CCDC178: variants seen among roughly 807,000 people sequenced by gnomAD.
CCDC178 encodes the protein coiled-coil domain-containing protein 178.
A neutral mutation model predicts 117.4 loss-of-function variants in CCDC178; 126 were observed. The observed-to-expected ratio is 1.07, with a 90% CI of 0.93 to 1.24. The LOEUF (loss-of-function observed/expected upper bound fraction) is 1.24, where lower values mean the gene tolerates loss of function less well. CCDC178 is among the 50% of genes most tolerant of loss of function. The pLI, the probability that CCDC178 is intolerant of heterozygous loss-of-function variation, is 0.00. For missense variants in CCDC178, 1,030 were observed against 986.9 expected (o/e 1.04, Z -0.59); for synonymous variants, 283 against 313.4 (o/e 0.90, Z 1.02).
intron 15 of CCDC178, among the ~76,000 whole-genome samples, chr18:33,236,430 G>A (rs937510405): frequency 5.3e-5 from 8 of 152,130 alleles, no homozygotes; most frequent in African/African-American, 1.7e-4. Context: ...TATTATAGAA[G>A]TTTTTAATGC....
At chr18:33,311,856 C>T (rs1332167613) in intron 11 of CCDC178, among the ~76,000 whole-genome samples, 5 of 152,174 alleles carry the variant, frequency 3.3e-5, no homozygotes, top group African/African-American at 1.2e-4. Flanking sequence ...AGGTTTTGAA[C>T]ACCCCCTGGG....
chr18:33,210,712 A>G (rs2059096632), intron 20 of CCDC178, among the ~76,000 whole-genome samples: 1 of 152,006 alleles, frequency 6.6e-6, no homozygotes, highest in Admixed American at 6.6e-5. Context: ...ATCCATTCGT[A>G]GCTCACACAT....
At chr18:33,390,695 G>T (rs1164034789) in intron 4 of CCDC178, among the ~76,000 whole-genome samples, 1 of 151,972 alleles carries the variant, frequency 6.6e-6, no homozygotes, top group Non-Finnish European at 1.5e-5. Context: ...ACTTTCAGGG[G>T]TGATGGAAAT....
chr18:32,982,726 G>T (rs1242707686), intron 21 of CCDC178, among the ~76,000 whole-genome samples: 1 of 152,026 alleles, frequency 6.6e-6, no homozygotes, highest in African/African-American at 2.4e-5. Flanking sequence ...TAACAGAATC[G>T]CTGCAATAAA....
At chr18:32,975,480 C>T (rs2055011051) in intron 21 of CCDC178, among the ~76,000 whole-genome samples, 1 of 152,108 alleles carries the variant, frequency 6.6e-6, no homozygotes, top group African/African-American at 2.4e-5. Flanking sequence ...ATTTGCCCTT[C>T]ACCAGTTACC....
chr18:33,412,038 G>T lies in CCDC178; in HGVS notation c.51C>A (p.Thr17=). ...VSSSSTRDDQ[T]NIGLTCQEVK... ...AATTTATGATAAACTTACCTATATT[G>T]GTTTGATCATCTCTAGTGGAAGAAG... The change falls in exon 3 of 23, where the codon ACC becomes ACA. Residue 17 remains threonine (T), a synonymous_variant. Transcript: ENST00000383096. 2.7e-6 allele frequency: 4 copies of T among 1,470,694 alleles called. No individual in the cohort carries two copies. The highest frequency in any genetic ancestry group is 3.8e-6 in the Non-Finnish European group (4 of 1,064,908). 91.1% of individuals were successfully genotyped at this position (1,470,694 alleles called of 1,614,324 possible). A position where few individuals can be genotyped will look rare whatever the true frequency, so the allele number is the denominator to read the frequency against.
At chr18:33,025,203 C>T (rs1037571325) in intron 21 of CCDC178, among the ~76,000 whole-genome samples, 13 of 152,114 alleles carry the variant, frequency 8.5e-5, no homozygotes, top group Admixed American at 8.5e-4. Flanking sequence ...CATATCAACA[C>T]ATTTAAGAAG....
chr18:32,993,474 C>T (rs574622309), intron 21 of CCDC178, among the ~76,000 whole-genome samples: 30 of 152,292 alleles, frequency 2.0e-4, no homozygotes, highest in African/African-American at 7.2e-4. Context: ...ATGCCCTGGG[C>T]AAGTGCAGTA....
intron 21 of CCDC178, among the ~76,000 whole-genome samples, chr18:33,021,900 C>T (rs994014147): frequency 6.6e-6 from 1 of 152,134 alleles, no homozygotes; most frequent in Non-Finnish European, 1.5e-5. Context: ...CTCTCTCTGT[C>T]TCATTCTCTT....
intron 20 of CCDC178, among the ~76,000 whole-genome samples, chr18:33,103,591 A>T (rs1253513077): frequency 6.6e-6 from 1 of 151,746 alleles, no homozygotes; most frequent in Non-Finnish European, 1.5e-5. Context: ...TTAAAAAAAA[A>T]AAAAGAAATC....
At chr18:32,968,967 G>A (rs961214032) in intron 22 of CCDC178, among the ~76,000 whole-genome samples, 2 of 151,920 alleles carry the variant, frequency 1.3e-5, no homozygotes, top group Non-Finnish European at 2.9e-5. Flanking sequence ...GTGTGTGTGT[G>A]TTAAATGATT....
At chr18:33,248,060 C>T (rs945666056) in intron 14 of CCDC178, among the ~76,000 whole-genome samples, 2 of 151,486 alleles carry the variant, frequency 1.3e-5, no homozygotes, top group African/African-American at 4.8e-5. Flanking sequence ...AAATCTATAG[C>T]TAAAGATATT....
chr18:33,167,131 T>C (rs890788785), intron 20 of CCDC178, among the ~76,000 whole-genome samples: 3 of 152,240 alleles, frequency 2.0e-5, no homozygotes, highest in African/African-American at 7.2e-5. Flanking sequence ...AATGGCTGCA[T>C]AGTATTCCGT....
intron 20 of CCDC178, among the ~76,000 whole-genome samples, chr18:33,102,120 A>G (rs2057636989): frequency 6.6e-6 from 1 of 151,884 alleles, no homozygotes; most frequent in Non-Finnish European, 1.5e-5. Context: ...AGCATTAACA[A>G]TTTGGTGCAA....
At chr18:33,112,159 A>C (rs985089199) in intron 20 of CCDC178, among the ~76,000 whole-genome samples, 1 of 151,722 alleles carries the variant, frequency 6.6e-6, no homozygotes, top group Non-Finnish European at 1.5e-5. Context: ...TCTTATTTTC[A>C]ATAAGAAAAA....
At chr18:33,221,888 A>G (rs553136450) in intron 18 of CCDC178, among the ~76,000 whole-genome samples, 2 of 152,120 alleles carry the variant, frequency 1.3e-5, no homozygotes, top group Non-Finnish European at 2.9e-5. Flanking sequence ...ACAAAATCTT[A>G]GTAGTAGTTG....
At chr18:33,358,197 T>C (rs1008849868) in intron 6 of CCDC178, among the ~76,000 whole-genome samples, 4 of 151,986 alleles carry the variant, frequency 2.6e-5, no homozygotes, top group African/African-American at 9.7e-5. Context: ...TGGTACATCA[T>C]TGACCAAATA....
intron 5 of CCDC178, among the ~76,000 whole-genome samples, chr18:33,384,735 AC>A (rs2063475084): frequency 6.6e-6 from 1 of 152,164 alleles, no homozygotes; most frequent in Non-Finnish European, 1.5e-5. Context: ...GATAGGAAAA[AC>A]CATTATCATC....
At chr18:33,251,195 A>C (rs2059615858) in intron 14 of CCDC178, among the ~76,000 whole-genome samples, 1 of 151,726 alleles carries the variant, frequency 6.6e-6, no homozygotes, top group Admixed American at 6.6e-5. Flanking sequence ...ATACTTTATA[A>C]AATGAGCAAT....
Sources: allele counts gnomAD v4.1 joint callset (sites outside exome capture counted in the v4.1 genomes callset), GRCh38; gene constraint gnomAD v4.1.1; transcripts MANE v1.5; gene names NCBI Gene and HGNC (gene_info 2026-07-23, HGNC 2026-07-21).